Variants in LPCAT1 observed in about 807,000 individuals in gnomAD.
LPCAT1 encodes the protein lysophosphatidylcholine acyltransferase 1, also known as 1-acylglycerol-3-phosphate O-acyltransferase.
A neutral mutation model predicts 60.9 loss-of-function variants in LPCAT1; 23 were observed. The ratio of observed to expected loss-of-function variants is 0.38; its 90% CI spans 0.27 to 0.53. The LOEUF is 0.53. Among genes scored for constraint, LPCAT1 ranks in the 20% least tolerant of loss-of-function variants. The pLI is 0.82. For missense variants in LPCAT1, 622 were observed against 723.6 expected (o/e 0.86, Z 1.61); for synonymous variants, 340 against 301.1 (o/e 1.13, Z -1.34).
In LPCAT1 at chr5:1,502,291, G is replaced by T. The variant is rs1251786767; in HGVS notation, c.136-688C>A. Among the ~76,000 whole-genome samples, 3 of 152,172 alleles carry T rather than the reference G, an allele frequency of 2.0e-5. No individual in the cohort carries two copies. The highest frequency in any genetic ancestry group is 2.0e-4 in the Admixed American group (3 of 15,284). On this transcript the variant is annotated intron_variant, in intron 1 of 13. Coordinates refer to ENST00000283415, the MANE Select transcript of LPCAT1 (RefSeq NM_024830.5). The surrounding 1 kb of genome is among the most constrained non-coding windows in gnomAD (Gnocchi z 5.5). Reference sequence around the variant, plus strand: ...CCAGGACACACCCCCAGCCCCGCAGGCCTCACTCAGCAGTTTCCCCTGAAA... The same window carrying T: ...CCAGGACACACCCCCAGCCCCGCAGTCCTCACTCAGCAGTTTCCCCTGAAA...
In LPCAT1 at chr5:1,483,345, G is replaced by A. The variant is rs1390289417; in HGVS notation, c.726+83C>T. 1.4e-6 allele frequency: 2 copies of A among 1,382,150 alleles called. No individual in the cohort carries two copies. The highest frequency in any genetic ancestry group is 2.8e-5 in the African/African-American group (2 of 70,328). 85.6% of individuals were successfully genotyped at this position (1,382,150 alleles called of 1,614,324 possible). The stretch of plus-strand genomic sequence containing the variant: ...CAGATAAAGGGTGTGGAGAGACAGA[G>A]ACACAGGTGCACAGAGGCAGCTCGC... On this transcript the variant is annotated intron_variant, in intron 6 of 13. Transcript: ENST00000283415. This position sits in a 1 kb window ranked among gnomAD's most constrained non-coding sequence, Gnocchi z 9.2.
rs561431847 is a variant in LPCAT1 at position 1,522,545 on chromosome 5, G to A, written c.135+1165C>T. On this transcript the variant is annotated intron_variant, in intron 1 of 13. Coordinates refer to ENST00000283415, the MANE Select transcript of LPCAT1 (RefSeq NM_024830.5). The surrounding 1 kb of genome is among the most constrained non-coding windows in gnomAD (Gnocchi z 6.8). ...GCACCATCGGGCTCTCCTGCTCCCC[G>A]TCCCCTTCCATACCCTGAGGACCAG... is the stretch of plus-strand genomic sequence containing the variant. Among the ~76,000 whole-genome samples the A allele has an allele frequency of 7.2e-5, 11 of 152,258 alleles. No individual in the cohort carries two copies. Among genetic ancestry groups the A allele is most frequent in the African/African-American group, 2.6e-4 (11 of 41,542 alleles).
chr5:1,506,769 A>G (rs759116792), intron 1 of LPCAT1, among the ~76,000 whole-genome samples: 1 of 152,214 alleles, frequency 6.6e-6, no homozygotes, highest in African/African-American at 2.4e-5. Context: ...TCAGGTCGCT[A>G]AAGTGGAGGC....
rs1040544467 is a variant in LPCAT1 at position 1,495,770 on chromosome 5, A to G, written c.279-856T>C. Among the ~76,000 whole-genome samples the G allele has an allele frequency of 2.0e-5, 3 of 152,198 alleles. No homozygotes were observed. The highest frequency in any genetic ancestry group is 7.2e-5 in the African/African-American group (3 of 41,450). On this transcript the variant is annotated intron_variant, in intron 2 of 13. Coordinates refer to ENST00000283415, the MANE Select transcript of LPCAT1 (RefSeq NM_024830.5). The surrounding 1 kb of genome is among the most constrained non-coding windows in gnomAD (Gnocchi z 4.7). ...GCATCACACTGGGTAAAACTACTGC[A>G]CAGAGAAACAAGAGCCTGAAGCCTT... is the stretch of plus-strand genomic sequence containing the variant.
chr5:1,481,089 G>T lies in LPCAT1; in HGVS notation c.727-113C>A. 1 of 1,307,874 alleles carries T rather than the reference G, an allele frequency of 7.6e-7. No individual in the cohort carries two copies. The highest frequency in any genetic ancestry group is 1.1e-6 in the Non-Finnish European group (1 of 913,644). The allele number at this position is 1,307,874 out of a possible 1,614,324, so 81.0% of individuals were successfully genotyped here. On this transcript the variant is annotated intron_variant, in intron 6 of 13. Transcript: ENST00000283415. This position sits in a 1 kb window ranked among gnomAD's most constrained non-coding sequence, Gnocchi z 7.8. ...CCTCCCACCCCACAGAGGCGCTGCAGCCAGGGGGAAGGGAGGAGGGTGCTA... is the reference window on the plus strand; with the variant it reads ...CCTCCCACCCCACAGAGGCGCTGCATCCAGGGGGAAGGGAGGAGGGTGCTA...
chr5:1,465,397 T>G (rs1186860769), intron 13 of LPCAT1, among the ~76,000 whole-genome samples: 2 of 142,522 alleles, frequency 1.4e-5, no homozygotes, highest in Admixed American at 7.1e-5. Flanking sequence ...CACATGCGCA[T>G]GCACACATGG....
intron 1 of LPCAT1, among the ~76,000 whole-genome samples, chr5:1,519,974 T>G (rs561636674): frequency 6.6e-6 from 1 of 152,142 alleles, no homozygotes; most frequent in East Asian, 1.9e-4. Flanking sequence ...ACCCCACCCC[T>G]CCACATCCAC....
intron 12 of LPCAT1, among the ~76,000 whole-genome samples, chr5:1,470,450 C>T (rs1309712251): frequency 1.3e-5 from 2 of 152,174 alleles, no homozygotes; most frequent in East Asian, 1.9e-4. Flanking sequence ...CTGAGGTGGG[C>T]AGCTCCTAAG....
At chr5:1,494,419 G>C (rs889528269) in intron 3 of LPCAT1, among the ~76,000 whole-genome samples, 13 of 151,354 alleles carry the variant, frequency 8.6e-5, no homozygotes, top group Admixed American at 7.2e-4. Context: ...CGTGGTGGGG[G>C]GGGGGTCCCT....
chr5:1,473,837 G>T, intron 11 of LPCAT1, 120 bp downstream of exon 11: 3 of 1,286,380 alleles, frequency 2.3e-6, no homozygotes, highest in East Asian at 2.5e-5. Flanking sequence ...GTGATGGGTG[G>T]TTTTCCTTCT....
intron 1 of LPCAT1, among the ~76,000 whole-genome samples, chr5:1,517,519 G>A (rs1467538983): frequency 1.3e-5 from 2 of 152,240 alleles, no homozygotes; most frequent in Non-Finnish European, 2.9e-5. Context: ...AGGGCGCTCT[G>A]CCCCTGCAGG....
chr5:1,463,824 T>C lies in LPCAT1; in HGVS notation c.1432A>G (p.Arg478Gly). Residue 478 changes from arginine (R) to glycine (G), a missense_variant, in exon 14 of 14, where the codon AGG becomes GGG. Coordinates refer to ENST00000283415, the MANE Select transcript of LPCAT1 (RefSeq NM_024830.5). Reference protein sequence around the residue: ...KGKITFADFHRFAEMYPAFAE... With the variant: ...KGKITFADFHGFAEMYPAFAE... Reference sequence around the variant, plus strand: ...AAGGCAGGGTACATTTCTGCAAACCTGTGGAAGTCAGCTGGAAAGACAAAG... The same window carrying C: ...AAGGCAGGGTACATTTCTGCAAACCCGTGGAAGTCAGCTGGAAAGACAAAG... The C allele has an allele frequency of 1.9e-6, 3 of 1,613,954 alleles. No individual in the cohort carries two copies. Among genetic ancestry groups the C allele is most frequent in the Non-Finnish European group, 1.7e-6 (2 of 1,179,892 alleles).
chr5:1,509,496 A>G (rs1736289484), intron 1 of LPCAT1, among the ~76,000 whole-genome samples: 2 of 152,206 alleles, frequency 1.3e-5, no homozygotes, highest in Non-Finnish European at 2.9e-5. Flanking sequence ...TTGAAAGCAC[A>G]GCAGTTCTCT....
Position 1,487,812 on chromosome 5 carries a change from G to A in LPCAT1, c.667+579C>T, listed in dbSNP as rs1173235838. ...GTGCAGAATTCCAAACAGACTCAGC[G>A]CAAAAAGAACAGTGGACTCTGCTGC... On this transcript the variant is annotated intron_variant, in intron 5 of 13. Coordinates refer to ENST00000283415, the MANE Select transcript of LPCAT1 (RefSeq NM_024830.5). The surrounding 1 kb of genome is among the most constrained non-coding windows in gnomAD (Gnocchi z 6.1). 6.6e-6 allele frequency among the ~76,000 whole-genome samples: 1 copy of A among 152,146 alleles called. No individual in the cohort carries two copies. Among genetic ancestry groups the A allele is most frequent in the African/African-American group, 2.4e-5 (1 of 41,422 alleles).
chr5:1,494,939 G>A lies in LPCAT1; in HGVS notation c.279-25C>T, dbSNP rs376739907. 9.6e-6 allele frequency: 15 copies of A among 1,563,470 alleles called. No individual in the cohort carries two copies. In the East Asian group the frequency reaches 2.1e-4, roughly 22 times the overall value. On this transcript the variant is annotated intron_variant, in intron 2 of 13. Coordinates refer to ENST00000283415, the MANE Select transcript of LPCAT1 (RefSeq NM_024830.5). ...CCTGCAAAAGAGGGCGCTGCGTCAC[G>A]CGGGCACACGTCCGCAGTCTCGGAG...
rs977651664 is a variant in LPCAT1, at chr5:1,464,640, C to T, written c.1421-805G>A. On this transcript the variant is annotated intron_variant, in intron 13 of 13. Coordinates refer to ENST00000283415, the MANE Select transcript of LPCAT1 (RefSeq NM_024830.5). ...AGCACACACACGGTAACCACACATG[C>T]GTGCACACACACACACACAAAAGCA... is the stretch of plus-strand genomic sequence containing the variant. Among the ~76,000 whole-genome samples, 6 of 139,696 alleles carry T rather than the reference C, an allele frequency of 4.3e-5. No individual in the cohort carries two copies. In the South Asian group the frequency reaches 7.3e-4, roughly 17 times the overall value. 91.6% of individuals were successfully genotyped at this position (139,696 alleles called of 152,430 possible). A position where few individuals can be genotyped will look rare whatever the true frequency, so the allele number is the denominator to read the frequency against.
At chr5:1,465,090 C>A (rs1357532632) in intron 13 of LPCAT1, among the ~76,000 whole-genome samples, 1 of 147,150 alleles carries the variant, frequency 6.8e-6, no homozygotes, top group Non-Finnish European at 1.5e-5. Context: ...CACACATGCG[C>A]ATGCACACAT....
Position 1,461,896 on chromosome 5 carries a change from C to T in LPCAT1, c.*1755G>A, listed in dbSNP as rs1373201506. ...CTTGAAAAATGAATCTTTACGCATT[C>T]TCCAATTATAAAATCAGTGACTGTT... On this transcript the variant is annotated 3_prime_UTR_variant, in exon 14 of 14. Coordinates refer to ENST00000283415, the MANE Select transcript of LPCAT1 (RefSeq NM_024830.5). The T allele has an allele frequency of 3.3e-5, 5 of 152,612 alleles. No individual in the cohort carries two copies. The highest frequency in any genetic ancestry group is 7.3e-5 in the Non-Finnish European group (5 of 68,048). The allele number at this position is 152,612 out of a possible 1,614,324, so 9.5% of individuals were successfully genotyped here.
At chr5:1,498,782 GCACA>G (rs1186599142) in intron 2 of LPCAT1, among the ~76,000 whole-genome samples, 2 of 151,992 alleles carry the variant, frequency 1.3e-5, no homozygotes, top group Non-Finnish European at 2.9e-5. Context: ...CAGGTACACA[GCACA>G]CACATATACA....
Sources: allele counts gnomAD v4.1 joint callset (sites outside exome capture counted in the v4.1 genomes callset), GRCh38; gene constraint gnomAD v4.1.1; non-coding constraint Gnocchi (gnomAD v3.1); transcripts MANE v1.5; gene names NCBI Gene and HGNC (gene_info 2026-07-23, HGNC 2026-07-21).